The following PAPSS1 variants were observed in gnomAD, a reference collection of about 807,000 sequenced individuals.
PAPSS1 encodes bifunctional 3'-phosphoadenosine 5'-phosphosulfate synthase 1.
PAPSS1 carries 50 observed loss-of-function variants against 72.0 expected under a neutral mutation model. The ratio of observed to expected loss-of-function variants is 0.69; its 90% CI spans 0.55 to 0.88. PAPSS1 has a LOEUF of 0.88. Among genes scored for constraint, PAPSS1 ranks in the 40% least tolerant of loss-of-function variants. The pLI is 0.00. For missense variants in PAPSS1, 657 were observed against 782.2 expected (o/e 0.84, Z 1.91); for synonymous variants, 261 against 263.6 (o/e 0.99, Z 0.09).
chr4:107,682,770 A>C (rs1722664501), intron 4 of PAPSS1, among the ~76,000 whole-genome samples: 3 of 152,206 alleles, frequency 2.0e-5, no homozygotes, highest in Admixed American at 1.3e-4. Flanking sequence ...ACTAACACTA[A>C]GTCAATCTGT....
chr4:107,644,689 A>G, intron 10 of PAPSS1, 113 bp downstream of exon 10: 1 of 969,922 alleles, frequency 1.0e-6, no homozygotes, highest in Non-Finnish European at 1.5e-6. Context: ...ATGTATAACA[A>G]ATGTTTGGAA....
intron 10 of PAPSS1, among the ~76,000 whole-genome samples, chr4:107,639,357 A>G (rs1434719438): frequency 6.6e-6 from 1 of 152,216 alleles, no homozygotes; most frequent in Non-Finnish European, 1.5e-5. Context: ...GTACAGGTCC[A>G]CAATTGCTTA....
chr4:107,691,226 C>T (rs1276913198), intron 3 of PAPSS1, among the ~76,000 whole-genome samples: 2 of 151,568 alleles, frequency 1.3e-5, no homozygotes, highest in Non-Finnish European at 2.9e-5. Context: ...TGATACAGTA[C>T]TAGAATTGTG....
At chr4:107,714,951 T>C (rs1233936667) in intron 1 of PAPSS1, among the ~76,000 whole-genome samples, 3 of 152,072 alleles carry the variant, frequency 2.0e-5, no homozygotes, top group Non-Finnish European at 4.4e-5. Flanking sequence ...AATTTCAAAG[T>C]ATCCACTCAC....
chr4:107,682,111 T>G lies in PAPSS1; in HGVS notation c.573A>C (p.Glu191Asp), dbSNP rs761667322. ...EIKGFTGIDS[E>D]YEKPEAPELV... ...ACTCAGGGGCCTCTGGCTTTTCATA[T>G]TCAGAATCGATCCCAGTGAAACCTG... Residue 191 changes from glutamate to aspartate, a missense_variant, in exon 5 of 12, where the codon GAA (glutamate) becomes GAC (aspartate). Glu to Asp is a conservative substitution (Grantham distance 45). Around this residue, in one of 7 missense-constraint regions of PAPSS1, gnomAD observed 28 missense variants for 60.8 expected, o/e 0.46. Coordinates refer to ENST00000265174, the MANE Select transcript of PAPSS1 (RefSeq NM_005443.5). The G allele has an allele frequency of 6.2e-7, 1 of 1,600,804 alleles. No homozygotes were observed. Among genetic ancestry groups the G allele is most frequent in the South Asian group, 1.1e-5 (1 of 90,496 alleles).
At chr4:107,690,925 A>T (rs532125700) in intron 3 of PAPSS1, among the ~76,000 whole-genome samples, 1 of 152,256 alleles carries the variant, frequency 6.6e-6, no homozygotes, top group African/African-American at 2.4e-5. Context: ...CAAGATTCCC[A>T]CCAGAAGGTA....
At position 107,625,209 on chromosome 4, in the gene PAPSS1, G is replaced by A. The variant is rs190281186; in HGVS notation, c.1736+6422C>T. Reference sequence around the variant, plus strand: ...GTGTGGCAGGCAGAATTCTAACATAGCCCCAATGACCTTTGTCCCCAGTGT... The same window carrying A: ...GTGTGGCAGGCAGAATTCTAACATAACCCCAATGACCTTTGTCCCCAGTGT... On this transcript the variant is annotated intron_variant, in intron 11 of 11. Coordinates refer to ENST00000265174, the MANE Select transcript of PAPSS1 (RefSeq NM_005443.5). 1.8e-3 allele frequency among the ~76,000 whole-genome samples: 276 copies of A among 150,746 alleles called. 4 individuals are homozygous for A. Among genetic ancestry groups the A allele is most frequent in the Admixed American group, 0.016 (238 of 15,142 alleles).
At chr4:107,666,092 C>T (rs904365305) in intron 5 of PAPSS1, among the ~76,000 whole-genome samples, 4 of 152,152 alleles carry the variant, frequency 2.6e-5, no homozygotes, top group East Asian at 3.9e-4. Context: ...GAACACCAAA[C>T]GACATTCCGG....
intron 1 of PAPSS1, among the ~76,000 whole-genome samples, chr4:107,706,587 C>A (rs1004570773): frequency 1.3e-5 from 2 of 151,950 alleles, no homozygotes; most frequent in African/African-American, 4.8e-5. Flanking sequence ...TTTTTTAATT[C>A]TTTTTCAGGC....
chr4:107,645,227 T>G (rs1237647263), intron 9 of PAPSS1, among the ~76,000 whole-genome samples, 157 bp from the exon 10 acceptor site: 1 of 149,358 alleles, frequency 6.7e-6, no homozygotes, highest in Non-Finnish European at 1.5e-5. Flanking sequence ...AAAAAAGTAC[T>G]GCTTTGACCA....
chr4:107,671,000 T>C (rs899968588), intron 5 of PAPSS1, among the ~76,000 whole-genome samples: 2 of 152,136 alleles, frequency 1.3e-5, no homozygotes, highest in Admixed American at 6.5e-5. Flanking sequence ...TGGTAACCAG[T>C]TAGGGGAATA....
chr4:107,691,179 TAA>T (rs879388900), intron 3 of PAPSS1, among the ~76,000 whole-genome samples: 2 of 143,888 alleles, frequency 1.4e-5, no homozygotes, highest in African/African-American at 2.5e-5. Flanking sequence ...AAATCTTGTT[TAA>T]AAAAAAAAAA....
Position 107,682,010 on chromosome 4 carries a change from C to T in PAPSS1, c.669+5G>A, listed in dbSNP as rs780296554. 3 of 1,437,418 alleles carry T rather than the reference C, an allele frequency of 2.1e-6. No homozygotes were observed. Among genetic ancestry groups the T allele is most frequent in the Non-Finnish European group, 1.9e-6 (2 of 1,028,718 alleles). The allele number at this position is 1,437,418 out of a possible 1,614,324, so 89.0% of individuals were successfully genotyped here. A position where few individuals can be genotyped will look rare whatever the true frequency, so the allele number is the denominator to read the frequency against. On this transcript the variant is annotated splice_donor_5th_base_variant and intron_variant, in intron 5 of 11. Transcript: ENST00000265174. Reference sequence around the variant, plus strand: ...CTGATGATTCCTTCTTTCATCCTCTCTTACCCGTTCCTGTAGAAGTTCCAC... The same window carrying T: ...CTGATGATTCCTTCTTTCATCCTCTTTTACCCGTTCCTGTAGAAGTTCCAC...
intron 11 of PAPSS1, among the ~76,000 whole-genome samples, chr4:107,628,719 G>A (rs1389513928): frequency 1.3e-5 from 2 of 152,214 alleles, no homozygotes; most frequent in Non-Finnish European, 2.9e-5. Flanking sequence ...ATATGTACAA[G>A]TACCTACTAA....
At chr4:107,633,938 G>C (rs200498168) in intron 10 of PAPSS1, among the ~76,000 whole-genome samples, 1 of 123,604 alleles carries the variant, frequency 8.1e-6, no homozygotes, top group African/African-American at 2.8e-5. Context: ...AAAAAAAAAA[G>C]AATGGGATTG....
chr4:107,626,925 AC>A (rs1392658736), intron 11 of PAPSS1, among the ~76,000 whole-genome samples: 2 of 152,200 alleles, frequency 1.3e-5, no homozygotes, highest in East Asian at 1.9e-4. Context: ...AGATTTGGTA[AC>A]CCCCAAAAAA....
intron 9 of PAPSS1, among the ~76,000 whole-genome samples, chr4:107,651,887 C>T (rs908186): frequency 0.18 from 27,931 of 152,042 alleles, 2,985 homozygotes; most frequent in East Asian, 0.37. Context: ...CTTTAGGTAC[C>T]ATCAATATCC....
chr4:107,720,211 T>C lies in PAPSS1; in HGVS notation c.-32A>G, dbSNP rs748627334. On this transcript the variant is annotated 5_prime_UTR_variant, in exon 1 of 12. Coordinates refer to ENST00000265174, the MANE Select transcript of PAPSS1 (RefSeq NM_005443.5). ...GGAGCGCGCTGAGCAGCCGGGGTTC[T>C]CTGCGCCGGGAGGGTAGCAAGAGGA... The C allele has an allele frequency of 3.1e-6, 5 of 1,590,924 alleles. No individual in the cohort carries two copies. In the African/African-American group the frequency reaches 4.1e-5, roughly 13 times the overall value.
intron 5 of PAPSS1, among the ~76,000 whole-genome samples, chr4:107,675,020 A>ACACAT (rs1273608813): frequency 1.3e-5 from 2 of 152,180 alleles, no homozygotes; most frequent in Non-Finnish European, 1.5e-5. Flanking sequence ...AATCTCTGGG[A>ACACAT]CACATTCAAA....
Sources: allele counts gnomAD v4.1 joint callset (sites outside exome capture counted in the v4.1 genomes callset), GRCh38; gene constraint gnomAD v4.1.1; regional missense constraint gnomAD v4.1.1; transcripts MANE v1.5; gene names NCBI Gene and HGNC (gene_info 2026-07-23, HGNC 2026-07-21).